LCLAT1: variants seen among roughly 807,000 people sequenced by gnomAD.
LCLAT1 encodes 1-AGP acyltransferase 8.
In LCLAT1, 11 loss-of-function variants were observed where a neutral mutation model predicts 30.7. The observed-to-expected ratio is 0.36, with a 90% CI of 0.23 to 0.59. The LOEUF is 0.59. Among genes scored for constraint, LCLAT1 ranks in the 20% least tolerant of loss-of-function variants. The pLI is 0.77. For missense variants in LCLAT1, 402 were observed against 458.6 expected (o/e 0.88, Z 1.13); for synonymous variants, 155 against 151.3 (o/e 1.02, Z -0.18).
At chr2:30,485,842 G>C (rs1450105824) in intron 1 of LCLAT1, among the ~76,000 whole-genome samples, 1 of 152,094 alleles carries the variant, frequency 6.6e-6, no homozygotes, top group Non-Finnish European at 1.5e-5. Context: ...TTTTTAGCAT[G>C]CTAATTTACT....
chr2:30,493,656 G>A (rs1683951472), intron 1 of LCLAT1, among the ~76,000 whole-genome samples: 1 of 152,128 alleles, frequency 6.6e-6, no homozygotes, highest in African/African-American at 2.4e-5. Flanking sequence ...AAAACTCCTT[G>A]TGCTATCCCT....
intron 1 of LCLAT1, among the ~76,000 whole-genome samples, chr2:30,525,143 C>T (rs185312093): frequency 3.3e-5 from 5 of 151,982 alleles, no homozygotes; most frequent in Non-Finnish European, 7.4e-5. Flanking sequence ...CTCATTCTGT[C>T]GTCCCAGCTG....
intron 1 of LCLAT1, among the ~76,000 whole-genome samples, chr2:30,500,443 T>A (rs1217814673): frequency 6.6e-6 from 1 of 152,258 alleles, no homozygotes; most frequent in African/African-American, 2.4e-5. Context: ...TATAGTTTTA[T>A]GAGAGTTAAG....
chr2:30,457,173 G>A (rs1263367781), intron 1 of LCLAT1, among the ~76,000 whole-genome samples: 2 of 152,126 alleles, frequency 1.3e-5, no homozygotes, highest in Non-Finnish European at 2.9e-5. Flanking sequence ...TTCTGGCTTA[G>A]TACCTGGTAG....
chr2:30,563,572 A>G (rs552736357), intron 4 of LCLAT1, among the ~76,000 whole-genome samples: 1 of 152,340 alleles, frequency 6.6e-6, no homozygotes, highest in African/African-American at 2.4e-5. Flanking sequence ...AAGGGAAGAC[A>G]GGCTGAAGCA....
At chr2:30,572,270 A>G (rs1046239466) in intron 5 of LCLAT1, among the ~76,000 whole-genome samples, 2 of 152,220 alleles carry the variant, frequency 1.3e-5, no homozygotes, top group East Asian at 1.9e-4. Context: ...TGCCTTAATG[A>G]AAAAGGATAG....
chr2:30,603,366 A>G (rs1213011441), intron 5 of LCLAT1, among the ~76,000 whole-genome samples: 1 of 152,172 alleles, frequency 6.6e-6, no homozygotes, highest in African/African-American at 2.4e-5. Flanking sequence ...GACCAGCAAC[A>G]AAGCAAGGAT....
At chr2:30,514,111 G>A (rs1028333883) in intron 1 of LCLAT1, among the ~76,000 whole-genome samples, 2 of 152,206 alleles carry the variant, frequency 1.3e-5, no homozygotes, top group African/African-American at 4.8e-5. Context: ...AATATAAACA[G>A]TGTCAGGGAC....
chr2:30,502,661 G>C (rs1684455914), intron 1 of LCLAT1, among the ~76,000 whole-genome samples: 1 of 152,176 alleles, frequency 6.6e-6, no homozygotes, highest in African/African-American at 2.4e-5. Flanking sequence ...ACTTAGCATA[G>C]TGTTTTCAAA....
chr2:30,567,233 C>A (rs1307845609), intron 4 of LCLAT1, among the ~76,000 whole-genome samples: 2 of 152,062 alleles, frequency 1.3e-5, no homozygotes, highest in Non-Finnish European at 2.9e-5. Flanking sequence ...TGTTGACTTT[C>A]ATGAAATCTT....
chr2:30,553,471 C>T (rs138739804), intron 3 of LCLAT1, among the ~76,000 whole-genome samples: 2 of 152,114 alleles, frequency 1.3e-5, no homozygotes, highest in South Asian at 2.1e-4. Context: ...TCCCAGCCCT[C>T]GTCTGAGAAA....
intron 5 of LCLAT1, among the ~76,000 whole-genome samples, chr2:30,603,071 T>C (rs1422415894): frequency 1.3e-5 from 2 of 152,120 alleles, no homozygotes; most frequent in African/African-American, 4.8e-5. Context: ...TTACCTAACA[T>C]TCTTATTGTG....
chr2:30,469,574 CTTTTTTTT>C (rs199634493), intron 1 of LCLAT1, among the ~76,000 whole-genome samples: 4 of 103,838 alleles, frequency 3.9e-5, no homozygotes, highest in African/African-American at 1.2e-4. Flanking sequence ...CAGGTCTCTT[CTTTTTTTT>C]TTTTTTTTTT....
At chr2:30,495,453 G>A (rs1371456981) in intron 1 of LCLAT1, among the ~76,000 whole-genome samples, 1 of 151,714 alleles carries the variant, frequency 6.6e-6, no homozygotes, top group Admixed American at 6.6e-5. Flanking sequence ...TAAGTAAAAT[G>A]AATCAATATA....
At chr2:30,499,744 C>G (rs1684278174) in intron 1 of LCLAT1, among the ~76,000 whole-genome samples, 1 of 152,162 alleles carries the variant, frequency 6.6e-6, no homozygotes, top group Admixed American at 6.5e-5. Flanking sequence ...ATCTGTATAT[C>G]CTATAAATAA....
At chr2:30,450,232 G>T (rs549568692) in intron 1 of LCLAT1, among the ~76,000 whole-genome samples, 1 of 152,374 alleles carries the variant, frequency 6.6e-6, no homozygotes, top group Admixed American at 6.5e-5. Flanking sequence ...TACTTCTTCT[G>T]GGATGGGCCT....
At chr2:30,598,530 TTC>T (rs1418169222) in intron 5 of LCLAT1, among the ~76,000 whole-genome samples, 1 of 152,100 alleles carries the variant, frequency 6.6e-6, no homozygotes, top group East Asian at 1.9e-4. Flanking sequence ...TATTTGATTC[TTC>T]TCTTTTTTCT....
chr2:30,567,425 T>C (rs1665540170), intron 4 of LCLAT1, among the ~76,000 whole-genome samples: 1 of 152,206 alleles, frequency 6.6e-6, no homozygotes, highest in Admixed American at 6.5e-5. Flanking sequence ...TGAAACTCTG[T>C]TTTCCTTCTG....
chr2:30,594,384 A>G (rs891709582), intron 5 of LCLAT1, among the ~76,000 whole-genome samples: 2 of 152,186 alleles, frequency 1.3e-5, no homozygotes, highest in Non-Finnish European at 2.9e-5. Flanking sequence ...GTCTCCTCCA[A>G]GCATTTATTC....
Sources: gnomAD v4.1 joint callset for allele counts (sites outside exome capture counted in the v4.1 genomes callset) on GRCh38, gnomAD v4.1.1 for gene constraint, MANE v1.5 for transcripts, NCBI Gene and HGNC (gene_info 2026-07-23, HGNC 2026-07-21) for gene names.